NT5C2: variants seen among roughly 807,000 people sequenced by gnomAD.
The protein encoded by NT5C2 is cytosolic purine 5'-nucleotidase.
NT5C2 carries 58 observed loss-of-function variants against 76.1 expected under a neutral mutation model. The observed-to-expected ratio is 0.76, with a 90% CI of 0.62 to 0.95. The LOEUF (loss-of-function observed/expected upper bound fraction) is 0.95. NT5C2 is among the 40% of genes least tolerant of loss of function. NT5C2 has a pLI of 0.00. For missense variants in NT5C2, 478 were observed against 690.3 expected (o/e 0.69, Z 3.45); for synonymous variants, 229 against 237.4 (o/e 0.96, Z 0.32).
At chr10:103,153,449 T>C (rs2082753958) in intron 3 of NT5C2, 3 of 1,132,692 alleles carry the variant, frequency 2.6e-6, no homozygotes, top group Admixed American at 9.9e-5. Context: ...TGCCGAACCC[T>C]AACTAGGCAA....
intron 2 of NT5C2, among the ~76,000 whole-genome samples, chr10:103,179,698 T>C (rs893060008): frequency 1.3e-5 from 2 of 152,076 alleles, no homozygotes; most frequent in African/African-American, 4.8e-5. Context: ...TGAGACCCAA[T>C]CTCTAAACAA....
chr10:103,105,584 A>T, intron 6 of NT5C2, 122 bp downstream of exon 6: 1 of 681,118 alleles, frequency 1.5e-6, no homozygotes, highest in South Asian at 2.4e-5. Context: ...ACCTTATGTA[A>T]GGGAATTTGC....
intron 3 of NT5C2, among the ~76,000 whole-genome samples, chr10:103,160,138 G>T (rs2084464792): frequency 6.6e-6 from 1 of 152,166 alleles, no homozygotes; most frequent in Admixed American, 6.5e-5. Flanking sequence ...ACCATTCAAT[G>T]TGAAAAGAAT....
chr10:103,095,785 A>G (rs769331591), intron 12 of NT5C2, among the ~76,000 whole-genome samples, 154 bp downstream of exon 12: 2 of 152,162 alleles, frequency 1.3e-5, no homozygotes, highest in African/African-American at 4.8e-5. Context: ...TAGCTCCTGG[A>G]TTACTTCTAA....
At chr10:103,189,707 C>T (rs374015327) in intron 1 of NT5C2, among the ~76,000 whole-genome samples, 23 of 148,528 alleles carry the variant, frequency 1.5e-4, no homozygotes, top group African/African-American at 4.9e-4. Flanking sequence ...GATGCTCTGT[C>T]GCCCAAGCTG....
rs757537012 is a variant in NT5C2 at position 103,091,563 on chromosome 10, CTTGTAGAG to C, written c.1204_1211del (p.Leu402AlafsTer3). 1 of 1,611,170 alleles carries C rather than the reference CTTGTAGAG, an allele frequency of 6.2e-7. No individual in the cohort carries two copies. The highest frequency in any genetic ancestry group is 2.2e-5 in the East Asian group (1 of 44,840). On this transcript the variant is annotated frameshift_variant and splice_region_variant, in exon 16 of 19. Transcript: ENST00000404739. LOFTEE classifies it high-confidence loss of function. ...GGGAAAGAAATTTTTAGAAAACTTA[CTTGTAGAG>C]TTCAGCCAAGAAAATATCCAAGCTC...
At chr10:103,137,081 C>T (rs1430005730) in intron 4 of NT5C2, among the ~76,000 whole-genome samples, 2 of 152,170 alleles carry the variant, frequency 1.3e-5, no homozygotes, top group South Asian at 2.1e-4. Context: ...AAGAGATTGT[C>T]TTAATAACCA....
intron 1 of NT5C2, among the ~76,000 whole-genome samples, chr10:103,183,262 G>GTGATATATATATATATAT (rs769522226): frequency 1.9e-4 from 14 of 73,372 alleles, no homozygotes; most frequent in Admixed American, 1.6e-4. Flanking sequence ...GTGTGTGTGT[G>GTGATATATATATATATAT]ATATATATAT....
intron 1 of NT5C2, among the ~76,000 whole-genome samples, chr10:103,188,525 C>CA (rs949160950): frequency 1.3e-5 from 2 of 152,056 alleles, no homozygotes; most frequent in African/African-American, 4.8e-5. Context: ...ACAAAAAATG[C>CA]AAAACATTTT....
chr10:103,145,278 A>G (rs2081280143), intron 3 of NT5C2, among the ~76,000 whole-genome samples: 1 of 152,228 alleles, frequency 6.6e-6, no homozygotes, highest in South Asian at 2.1e-4. Context: ...TCTCCAGGAT[A>G]CAGTCTTCAA....
chr10:103,135,975 T>A (rs995743928), intron 4 of NT5C2, among the ~76,000 whole-genome samples: 9 of 152,052 alleles, frequency 5.9e-5, no homozygotes, highest in South Asian at 4.2e-4. Flanking sequence ...TAATCCCAGC[T>A]ACTCAGGAGG....
chr10:103,144,729 C>T (rs534179106), intron 3 of NT5C2, among the ~76,000 whole-genome samples: 1 of 152,286 alleles, frequency 6.6e-6, no homozygotes, highest in South Asian at 2.1e-4. Context: ...TTGTCTACTA[C>T]AAAGCAGATA....
intron 1 of NT5C2, among the ~76,000 whole-genome samples, chr10:103,184,801 C>T (rs2091799906): frequency 6.6e-6 from 1 of 152,098 alleles, no homozygotes; most frequent in African/African-American, 2.4e-5. Context: ...CATCAGGCCT[C>T]GGAACAAAAG....
At position 103,174,905 on chromosome 10, in the gene NT5C2, G is replaced by C; in HGVS notation, c.54C>G (p.Asn18Lys). Residue 18 changes from asparagine (N) to lysine (K), a missense_variant, in exon 3 of 19, where the codon AAC becomes AAG. Asn to Lys is a moderately conservative substitution (Grantham distance 94). Coordinates refer to ENST00000404739, the MANE Select transcript of NT5C2 (RefSeq NM_001351169.2). Reference sequence around the variant, plus strand: ...ACTTTTTCAGGGCATGCTTATCCATGTTAGCAGGCATATCTGCTGCATTCT... The same window carrying C: ...ACTTTTTCAGGGCATGCTTATCCATCTTAGCAGGCATATCTGCTGCATTCT... ...RLQNAADMPA[N>K]MDKHALKKYR... 1 of 1,613,656 alleles carries C rather than the reference G, an allele frequency of 6.2e-7. No individual in the cohort carries two copies. Among genetic ancestry groups the C allele is most frequent in the Non-Finnish European group, 8.5e-7 (1 of 1,179,694 alleles).
intron 4 of NT5C2, among the ~76,000 whole-genome samples, chr10:103,130,583 T>TAAAAAAAAAAAAAAAAAAAAATTA (rs5787482): frequency 2.2e-5 from 3 of 137,364 alleles, no homozygotes; most frequent in African/African-American, 5.4e-5. Context: ...AAATAAAAAT[T>TAAAAAAAAAAAAAAAAAAAAATTA]AAAAAAAAAA....
intron 4 of NT5C2, among the ~76,000 whole-genome samples, chr10:103,113,090 A>G (rs1214130433): frequency 1.3e-5 from 2 of 152,246 alleles, no homozygotes; most frequent in African/African-American, 4.8e-5. Flanking sequence ...CAAATTTCCT[A>G]AAATGGCCTC....
intron 3 of NT5C2, among the ~76,000 whole-genome samples, chr10:103,143,781 C>T (rs549622620): frequency 1.6e-4 from 25 of 151,898 alleles, no homozygotes; most frequent in African/African-American, 6.0e-4. Flanking sequence ...TATAGTGAGA[C>T]CCTATCTCAA....
In NT5C2 at chr10:103,143,602, A is replaced by ATTTTT. The variant is rs67395221; in HGVS notation, c.102-4128_102-4124dup. On this transcript the variant is annotated intron_variant, in intron 3 of 18. Transcript: ENST00000404739. ...CAGGTACGCACCACCATGTCCAGCT[A>ATTTTT]TTTTTTTTTTTTTTTTTTTTTTTTT... Among the ~76,000 whole-genome samples the ATTTTT allele has an allele frequency of 4.5e-4, 24 of 53,864 alleles. 1 individual carries two copies. The highest frequency in any genetic ancestry group is 2.3e-3 in the Admixed American group (9 of 3,970). The allele number at this position is 53,864 out of a possible 152,430, so 35.3% of individuals were successfully genotyped here.
chr10:103,177,299 T>A (rs1033049839), intron 2 of NT5C2, among the ~76,000 whole-genome samples: 3 of 152,180 alleles, frequency 2.0e-5, no homozygotes, highest in African/African-American at 7.2e-5. Context: ...AGCTTAAGTG[T>A]TTTTAACTAC....
Sources: gnomAD v4.1 joint callset for allele counts (sites outside exome capture counted in the v4.1 genomes callset) on GRCh38, gnomAD v4.1.1 for gene constraint, MANE v1.5 for transcripts, NCBI Gene and HGNC (gene_info 2026-07-23, HGNC 2026-07-21) for gene names.